PPME1: variants seen among roughly 807,000 people sequenced by gnomAD.
PPME1 encodes testicular secretory protein Li 39.
Under a neutral mutation model 56.9 loss-of-function variants are expected in PPME1, and 17 were observed. The ratio of observed to expected loss-of-function variants is 0.30; its 90% CI spans 0.20 to 0.45. The LOEUF is 0.45. PPME1 is among the 20% of genes least tolerant of loss of function. The probability of loss-of-function intolerance (pLI) is 1.00; values close to 1 mark genes in which losing one functional copy is unlikely to be tolerated. For synonymous variants in PPME1, 122 were observed against 156.2 expected (o/e 0.78, Z 1.63); for missense variants, 357 against 483.2 (o/e 0.74, Z 2.45).
In PPME1 at chr11:74,251,483, C is replaced by T. The variant is rs907749419; in HGVS notation, c.1075-165C>T. Reference sequence around the variant, plus strand: ...GGCAAGGATAGTGGGGAGGAGTCTTCTAGCTCTGCTAGGGAGGGCCTAGGT... The same window carrying T: ...GGCAAGGATAGTGGGGAGGAGTCTTTTAGCTCTGCTAGGGAGGGCCTAGGT... On this transcript the variant is annotated intron_variant, in intron 12 of 13. Coordinates refer to ENST00000328257, the MANE Select transcript of PPME1 (RefSeq NM_016147.3). 12 of 1,439,400 alleles carry T rather than the reference C, an allele frequency of 8.3e-6. No individual in the cohort carries two copies. In the African/African-American group the frequency reaches 1.7e-4, roughly 21 times the overall value. The allele number at this position is 1,439,400 out of a possible 1,614,324, so 89.2% of individuals were successfully genotyped here.
chr11:74,245,212 A>T (rs1859474116), intron 9 of PPME1, among the ~76,000 whole-genome samples: 1 of 146,322 alleles, frequency 6.8e-6, no homozygotes, highest in Non-Finnish European at 1.5e-5. Flanking sequence ...TTTATTTCCT[A>T]AAAAAAAAAG....
intron 3 of PPME1, chr11:74,205,050 G>A (rs985692723): frequency 3.9e-5 from 6 of 152,198 alleles, no homozygotes; most frequent in Non-Finnish European, 8.8e-5. Context: ...TCTTTGACTA[G>A]CCTAACTCTT....
intron 1 of PPME1, among the ~76,000 whole-genome samples, chr11:74,193,773 ATTTG>A (rs1242251463): frequency 6.6e-6 from 1 of 152,030 alleles, no homozygotes. Flanking sequence ...AAACTTGACT[ATTTG>A]TTTTTTAATT....
intron 5 of PPME1, 30 bp downstream of exon 5, chr11:74,225,286 C>T: frequency 6.9e-7 from 1 of 1,442,958 alleles, no homozygotes; most frequent in Non-Finnish European, 9.5e-7. Context: ...TTATACATTG[C>T]CTGTCTCCCA....
chr11:74,171,487 C>G lies in PPME1; in HGVS notation c.66C>G (p.Ser22Arg). 6.2e-7 allele frequency: 1 copy of G among 1,613,356 alleles called. No individual in the cohort carries two copies. Among genetic ancestry groups the G allele is most frequent in the South Asian group, 1.1e-5 (1 of 90,942 alleles). The change falls in exon 1 of 14, where the codon AGC (serine) becomes AGG (arginine). Residue 22 changes from serine (S) to arginine (R), a missense_variant. Physicochemically the swap from Ser to Arg is moderately radical, Grantham distance 110 (BLOSUM62 -1). Around this residue, in one of 2 missense-constraint regions of PPME1, gnomAD observed 175 missense variants for 189.4 expected, o/e 0.92. Coordinates refer to ENST00000328257, the MANE Select transcript of PPME1 (RefSeq NM_016147.3). ...RLPSRPPLPG[S>R]GGSQSGAKMR... The stretch of plus-strand genomic sequence containing the variant: ...CCTCTCGCCCACCTCTACCCGGCAG[C>G]GGGGGCAGTCAGAGCGGAGCCAAGA...
intron 1 of PPME1, among the ~76,000 whole-genome samples, chr11:74,183,300 A>G (rs546013703): frequency 6.6e-6 from 1 of 152,298 alleles, no homozygotes; most frequent in African/African-American, 2.4e-5. Context: ...CTGTCTCAAA[A>G]CAAAACAACA....
At chr11:74,175,462 T>C (rs1857379631) in intron 1 of PPME1, among the ~76,000 whole-genome samples, 3 of 152,034 alleles carry the variant, frequency 2.0e-5, no homozygotes, top group Admixed American at 6.5e-5. Context: ...GATCGCGCCA[T>C]TGCACTCCAG....
At chr11:74,197,901 T>C (rs897056626) in intron 1 of PPME1, among the ~76,000 whole-genome samples, 2 of 152,156 alleles carry the variant, frequency 1.3e-5, no homozygotes, top group Non-Finnish European at 2.9e-5. Context: ...TCTGTGATAA[T>C]AGCAAAAGAT....
intron 7 of PPME1, among the ~76,000 whole-genome samples, chr11:74,234,298 G>A (rs1340549115): frequency 2.0e-5 from 3 of 152,162 alleles, no homozygotes; most frequent in Non-Finnish European, 2.9e-5. Context: ...AGAAGAGGCT[G>A]AACTAGAGAT....
At chr11:74,199,202 T>TG (rs1454269668) in intron 1 of PPME1, among the ~76,000 whole-genome samples, 4 of 152,308 alleles carry the variant, frequency 2.6e-5, no homozygotes, top group African/African-American at 4.8e-5. Flanking sequence ...TCTGTGTGTG[T>TG]TTTTTTAAGC....
intron 1 of PPME1, among the ~76,000 whole-genome samples, chr11:74,192,599 A>G (rs796749585): frequency 1.3e-5 from 2 of 152,302 alleles, no homozygotes; most frequent in African/African-American, 4.8e-5. Context: ...GTAATCCCCA[A>G]TGCTGGAGGT....
intron 3 of PPME1, among the ~76,000 whole-genome samples, chr11:74,215,499 C>T (rs891887207): frequency 3.9e-5 from 6 of 151,956 alleles, no homozygotes; most frequent in African/African-American, 1.5e-4. Flanking sequence ...TATTTGCAAG[C>T]AAACTCAAAC....
intron 11 of PPME1, 182 bp from the exon 12 acceptor site, chr11:74,250,772 T>C: frequency 1.7e-6 from 1 of 579,484 alleles, no homozygotes; most frequent in South Asian, 2.3e-5. Context: ...AGGGAAATGA[T>C]TGGCGCAAGG....
chr11:74,246,898 A>G (rs1054479413), intron 10 of PPME1, among the ~76,000 whole-genome samples, 181 bp from the exon 11 acceptor site: 2 of 152,258 alleles, frequency 1.3e-5, no homozygotes, highest in East Asian at 1.9e-4. Flanking sequence ...CCAGTTTAAC[A>G]TAGTAATTAT....
At position 74,171,316 on chromosome 11, in the gene PPME1, G is replaced by A. The variant is rs1346254776; in HGVS notation, c.-106G>A. On this transcript the variant is annotated 5_prime_UTR_variant, in exon 1 of 14. Transcript: ENST00000328257. ...TACGGGTAGCTGGGTGCTGTCCAAA[G>A]GCGACAGGGCGTCGTTAGGGGAGCG... 15 of 1,511,020 alleles carry A rather than the reference G, an allele frequency of 9.9e-6. No homozygotes were observed. The highest frequency in any genetic ancestry group is 2.8e-5 in the African/African-American group (2 of 72,712). The allele number at this position is 1,511,020 out of a possible 1,614,324, so 93.6% of individuals were successfully genotyped here.
chr11:74,222,632 G>A, intron 4 of PPME1: 1 of 395,944 alleles, frequency 2.5e-6, no homozygotes, highest in South Asian at 2.3e-5. Context: ...GGGATTACAG[G>A]TATGCGCCAC....
intron 1 of PPME1, among the ~76,000 whole-genome samples, chr11:74,177,715 T>C (rs902466212): frequency 6.6e-6 from 1 of 152,186 alleles, no homozygotes; most frequent in Non-Finnish European, 1.5e-5. Context: ...ATCCTGATAG[T>C]ATTTTTATTG....
chr11:74,244,127 G>A (rs559823826), intron 9 of PPME1, among the ~76,000 whole-genome samples: 17 of 152,130 alleles, frequency 1.1e-4, no homozygotes, highest in Non-Finnish European at 2.4e-4. Context: ...TTTTATGGCT[G>A]AATTATATAT....
At chr11:74,234,742 T>C (rs909085635) in intron 7 of PPME1, among the ~76,000 whole-genome samples, 1 of 152,164 alleles carries the variant, frequency 6.6e-6, no homozygotes, top group African/African-American at 2.4e-5. Flanking sequence ...AGCTTTGCTG[T>C]ATAGGAGAGC....
Sources: allele counts gnomAD v4.1 joint callset (sites outside exome capture counted in the v4.1 genomes callset), GRCh38; gene constraint gnomAD v4.1.1; regional missense constraint gnomAD v4.1.1; transcripts MANE v1.5; gene names NCBI Gene and HGNC (gene_info 2026-07-23, HGNC 2026-07-21).